The following FNDC3A variants were observed in gnomAD, a reference collection of about 807,000 sequenced individuals.
FNDC3A encodes the protein fibronectin type III domain containing 3A.
A neutral mutation model predicts 148.9 loss-of-function variants in FNDC3A; 32 were observed. The observed-to-expected ratio is 0.21, with a 90% CI of 0.16 to 0.29. FNDC3A has a LOEUF of 0.29. Among genes scored for constraint, FNDC3A ranks in the 10% least tolerant of loss-of-function variants. FNDC3A has a pLI of 1.00. For synonymous variants in FNDC3A, 472 were observed against 473.6 expected (o/e 1.00, Z 0.04); for missense variants, 1,191 against 1,452.8 (o/e 0.82, Z 2.93).
chr13:49,107,101 T>G (rs1330980041), intron 3 of FNDC3A, among the ~76,000 whole-genome samples: 2 of 152,184 alleles, frequency 1.3e-5, no homozygotes, highest in African/African-American at 2.4e-5. Flanking sequence ...TTTCTTGGCT[T>G]GGATGGTGGA....
At chr13:48,982,615 G>T (rs1490148835) in intron 1 of FNDC3A, among the ~76,000 whole-genome samples, 3 of 152,180 alleles carry the variant, frequency 2.0e-5, no homozygotes, top group African/African-American at 4.8e-5. Flanking sequence ...AATTTATTCA[G>T]ATCATTCCCC....
At chr13:49,174,841 A>C (rs1884944657) in intron 12 of FNDC3A, among the ~76,000 whole-genome samples, 1 of 152,204 alleles carries the variant, frequency 6.6e-6, no homozygotes, top group African/African-American at 2.4e-5. Context: ...AGCATATGTG[A>C]TGACAGTATT....
intron 2 of FNDC3A, among the ~76,000 whole-genome samples, chr13:49,049,769 G>A (rs1419799510): frequency 6.6e-6 from 1 of 151,746 alleles, no homozygotes; most frequent in African/African-American, 2.4e-5. Context: ...GCTCAGGTTG[G>A]AGTGCAGTGG....
intron 11 of FNDC3A, 83 bp from the exon 12 acceptor site, chr13:49,174,352 T>A: frequency 3.5e-6 from 4 of 1,132,006 alleles, no homozygotes. Flanking sequence ...CTTGCTAATA[T>A]GTAACTGTCA....
At chr13:49,204,321 T>A (rs544686538) in intron 25 of FNDC3A, among the ~76,000 whole-genome samples, 18 of 152,356 alleles carry the variant, frequency 1.2e-4, no homozygotes, top group East Asian at 1.2e-3. Flanking sequence ...TCACCTGATT[T>A]TCCCTTTTTC....
At chr13:49,012,562 A>G (rs1327812862) in intron 2 of FNDC3A, among the ~76,000 whole-genome samples, 3 of 151,988 alleles carry the variant, frequency 2.0e-5, no homozygotes, top group African/African-American at 7.3e-5. Context: ...ACACACACAC[A>G]TGCACACACA....
intron 3 of FNDC3A, among the ~76,000 whole-genome samples, chr13:49,077,368 T>TA (rs1878186638): frequency 1.3e-5 from 2 of 152,204 alleles, no homozygotes; most frequent in African/African-American, 4.8e-5. Flanking sequence ...CTCTAACACT[T>TA]ACTTCAAGAC....
intron 19 of FNDC3A, among the ~76,000 whole-genome samples, chr13:49,195,198 CT>C (rs1225858821): frequency 6.6e-6 from 1 of 152,112 alleles, no homozygotes; most frequent in African/African-American, 2.4e-5. Context: ...AGTTGATGAC[CT>C]TCATTTAAAG....
At chr13:49,033,789 G>A (rs149049364) in intron 2 of FNDC3A, among the ~76,000 whole-genome samples, 129 of 151,964 alleles carry the variant, frequency 8.5e-4, no homozygotes, top group African/African-American at 2.8e-3. Context: ...GTAAGATCAT[G>A]TTACTGTTTT....
At chr13:49,066,093 T>G (rs1388113112) in intron 2 of FNDC3A, among the ~76,000 whole-genome samples, 1 of 152,180 alleles carries the variant, frequency 6.6e-6, no homozygotes, top group Non-Finnish European at 1.5e-5. Context: ...TTCTTTGTCT[T>G]CCAGAGTTCT....
intron 2 of FNDC3A, among the ~76,000 whole-genome samples, chr13:49,067,686 C>T (rs1023837609): frequency 1.3e-5 from 2 of 152,166 alleles, no homozygotes; most frequent in African/African-American, 4.8e-5. Flanking sequence ...TTCGTCTGTC[C>T]TAATAGTTCT....
intron 14 of FNDC3A, among the ~76,000 whole-genome samples, chr13:49,181,140 C>T (rs1312771941): frequency 6.6e-6 from 1 of 152,110 alleles, no homozygotes; most frequent in Non-Finnish European, 1.5e-5. Flanking sequence ...TGTCAAATTT[C>T]AGGGGAGGGA....
intron 4 of FNDC3A, among the ~76,000 whole-genome samples, chr13:49,121,751 A>G (rs1881361017): frequency 6.6e-6 from 1 of 152,222 alleles, no homozygotes; most frequent in Non-Finnish European, 1.5e-5. Context: ...AATCTAGAAG[A>G]AATGGGTAAA....
chr13:49,116,018 C>G (rs1364479928), intron 4 of FNDC3A, among the ~76,000 whole-genome samples: 3 of 152,124 alleles, frequency 2.0e-5, no homozygotes, highest in Admixed American at 6.5e-5. Context: ...TAGCATAGTT[C>G]AGTTCATGAT....
chr13:49,192,306 A>AT (rs1335082564), intron 19 of FNDC3A, among the ~76,000 whole-genome samples: 1 of 151,782 alleles, frequency 6.6e-6, no homozygotes, highest in East Asian at 1.9e-4. Flanking sequence ...TTTCTGTTTG[A>AT]TTTTTTGAAA....
chr13:48,996,159 ATGG>A (rs1375776894), intron 1 of FNDC3A, among the ~76,000 whole-genome samples: 1 of 152,176 alleles, frequency 6.6e-6, no homozygotes, highest in Non-Finnish European at 1.5e-5. Flanking sequence ...CAAAATTTTG[ATGG>A]TGGTATAAAC....
chr13:49,144,562 C>T (rs1215315027), intron 7 of FNDC3A, among the ~76,000 whole-genome samples: 1 of 152,044 alleles, frequency 6.6e-6, no homozygotes. Context: ...TATATAAATG[C>T]CTACATATAA....
chr13:49,047,658 G>T (rs1005816173), intron 2 of FNDC3A, among the ~76,000 whole-genome samples: 2 of 151,906 alleles, frequency 1.3e-5, no homozygotes, highest in African/African-American at 4.8e-5. Context: ...TTTTCTTGCT[G>T]ATTTGTTTGA....
At chr13:49,017,847 T>G (rs1207439633) in intron 2 of FNDC3A, among the ~76,000 whole-genome samples, 1 of 152,132 alleles carries the variant, frequency 6.6e-6, no homozygotes, top group African/African-American at 2.4e-5. Flanking sequence ...ATTTTATTTC[T>G]CCTTCACTTA....
Sources: allele counts gnomAD v4.1 joint callset (sites outside exome capture counted in the v4.1 genomes callset), GRCh38; gene constraint gnomAD v4.1.1; transcripts MANE v1.5; gene names NCBI Gene and HGNC (gene_info 2026-07-23, HGNC 2026-07-21).